C2orf42: variants seen among roughly 807,000 people sequenced by gnomAD.
The protein encoded by C2orf42 is uncharacterized protein C2orf42.
A neutral mutation model predicts 58.9 loss-of-function variants in C2orf42; 44 were observed. That is an observed-to-expected ratio of 0.75 (90% confidence interval 0.59 to 0.96). The LOEUF is 0.96. Ranked by LOEUF, C2orf42 falls within the 40% of genes least tolerant of loss-of-function variation. The pLI, the probability that C2orf42 is intolerant of heterozygous loss-of-function variation, is 0.00. For synonymous variants in C2orf42, 239 were observed against 265.4 expected, an observed-to-expected ratio of 0.90 and a Z score of 0.97; for missense variants, 630 against 699.2, an observed-to-expected ratio of 0.90 and a Z score of 1.12.
intron 3 of C2orf42, 123 bp from the exon 4 acceptor site, chr2:70,179,765 G>A (rs1674429882): frequency 2.3e-6 from 1 of 442,540 alleles, no homozygotes; most frequent in Admixed American, 3.5e-5. Context: ...CCCAGGCTGG[G>A]CAACATAGGC....
chr2:70,171,984 A>T (rs1466049649), intron 5 of C2orf42, among the ~76,000 whole-genome samples: 1 of 151,056 alleles, frequency 6.6e-6, no homozygotes, highest in African/African-American at 2.4e-5. Flanking sequence ...GCACTTTGGG[A>T]GGCCAAGGCG....
chr2:70,182,054 A>T (rs1674617338), intron 2 of C2orf42, 57 bp from the exon 3 acceptor site: 1 of 790,188 alleles, frequency 1.3e-6, no homozygotes, highest in Non-Finnish European at 2.0e-6. Context: ...AAAAAGTTAA[A>T]ATCACTTATG....
intron 9 of C2orf42, among the ~76,000 whole-genome samples, chr2:70,156,851 G>A (rs1172421003): frequency 7.0e-6 from 1 of 142,690 alleles, no homozygotes; most frequent in Non-Finnish European, 1.5e-5. Context: ...AACAGGGCAA[G>A]ACCCTATCTC....
At position 70,175,686 on chromosome 2, in the gene C2orf42, C is replaced by T. The variant is rs765921236; in HGVS notation, c.1026G>A (p.Ser342=). 1.9e-6 allele frequency: 3 copies of T among 1,607,470 alleles called. No homozygotes were observed. The highest frequency in any genetic ancestry group is 1.1e-5 in the South Asian group (1 of 90,938). Residue 342 remains serine (S), a synonymous_variant, in exon 5 of 10, where the codon TCG becomes TCA. Transcript: ENST00000264434. The part of the protein sequence containing the change: ...SGLKKPVVAS[S]LKRQACGQLL... ...AGGGAAACTTACCCTGCCTTTTTAA[C>T]GAGGAAGCAACCACAGGCTTTTTCA...
rs527684814 is a variant in C2orf42 at position 70,172,499 on chromosome 2, G to A, written c.1040-2838C>T. 9.9e-5 allele frequency among the ~76,000 whole-genome samples: 15 copies of A among 151,848 alleles called. 1 individual carries two copies. The East Asian group carries it at 2.7e-3, about 28-fold the overall frequency. On this transcript the variant is annotated intron_variant, in intron 5 of 9. Coordinates refer to ENST00000264434, the MANE Select transcript of C2orf42 (RefSeq NM_017880.3). ...TTGAGACCAGATTGGGCAACATGAC[G>A]AAACTCCGTCTCTACTAAAAATACA... is the stretch of plus-strand genomic sequence containing the variant.
intron 5 of C2orf42, among the ~76,000 whole-genome samples, chr2:70,172,489 G>A (rs1162456793): frequency 6.6e-6 from 1 of 151,846 alleles, no homozygotes; most frequent in East Asian, 2.0e-4. Flanking sequence ...ACCAGATTGG[G>A]CAACATGACG....
intron 8 of C2orf42, among the ~76,000 whole-genome samples, chr2:70,161,488 C>G (rs1673045625): frequency 6.6e-6 from 1 of 152,130 alleles, no homozygotes; most frequent in African/African-American, 2.4e-5. Flanking sequence ...AGGAGTTCCT[C>G]AAGTGTTTTT....
intron 4 of C2orf42, among the ~76,000 whole-genome samples, chr2:70,177,199 G>C (rs1278761494): frequency 6.6e-6 from 1 of 151,792 alleles, no homozygotes; most frequent in African/African-American, 2.4e-5. Flanking sequence ...TTGAACCCGA[G>C]AGATGGAGGC....
chr2:70,169,142 T>TG (rs1345162913), intron 6 of C2orf42, among the ~76,000 whole-genome samples: 1 of 151,916 alleles, frequency 6.6e-6, no homozygotes, highest in Non-Finnish European at 1.5e-5. Context: ...TTTGTAGAGA[T>TG]GGGGTTCACT....
rs1176142210 is a variant in C2orf42, at chr2:70,160,726, T to G, written c.1415A>C (p.Lys472Thr). The G allele has an allele frequency of 1.2e-6, 2 of 1,612,404 alleles. No individual in the cohort carries two copies. Among genetic ancestry groups the G allele is most frequent in the East Asian group, 2.2e-5 (1 of 44,766 alleles). The change falls in exon 9 of 10, where the codon AAA becomes ACA. Residue 472 changes from lysine (K) to threonine (T), a missense_variant. Transcript: ENST00000264434. ...QNRDGTYELF[K>T]CPKVEVESIA... ...GCTTTCTACTTCCACTTTAGGGCATTTAAATAGCTCATAAGTCCCATCTCG... is the reference window on the plus strand; with the variant it reads ...GCTTTCTACTTCCACTTTAGGGCATGTAAATAGCTCATAAGTCCCATCTCG...
rs1365797747 is a variant in C2orf42 at position 70,165,092 on chromosome 2, C to T, written c.1353G>A (p.Glu451=). 6.5e-6 allele frequency: 10 copies of T among 1,543,500 alleles called. No homozygotes were observed. The highest frequency in any genetic ancestry group is 8.0e-6 in the Non-Finnish European group (9 of 1,119,282). ...LQVKQILDTP[E]MPLEITRSFI... The stretch of plus-strand genomic sequence containing the variant: ...CACTGTTATAGAAATAAACTCTCAC[C>T]TCTGGGGTATCTAAGATTTGTTTAA... Residue 451 remains glutamate (E), a splice_region_variant and synonymous_variant, in exon 8 of 10, where the codon GAG becomes GAA. Transcript: ENST00000264434.
intron 5 of C2orf42, among the ~76,000 whole-genome samples, chr2:70,173,524 G>A (rs1673975460): frequency 6.6e-6 from 1 of 152,006 alleles, no homozygotes; most frequent in East Asian, 1.9e-4. Context: ...TGATCCATCC[G>A]CCTGCCTCAG....
At chr2:70,189,836 G>C (rs1036749822) in intron 1 of C2orf42, among the ~76,000 whole-genome samples, 26 of 151,966 alleles carry the variant, frequency 1.7e-4, no homozygotes, top group African/African-American at 6.3e-4. Flanking sequence ...GACCAGCCTG[G>C]GCAACATAGT....
intron 6 of C2orf42, among the ~76,000 whole-genome samples, chr2:70,169,250 CACACACA>C: frequency 1.4e-5 from 1 of 70,880 alleles, no homozygotes; most frequent in Admixed American, 1.1e-4. Flanking sequence ...TCCCTCACCA[CACACACA>C]CACACACACA....
At chr2:70,151,655 A>G in intron 9 of C2orf42, among the ~76,000 whole-genome samples, 1 of 152,118 alleles carries the variant, frequency 6.6e-6, no homozygotes, top group East Asian at 1.9e-4. Context: ...CCAAAAAATA[A>G]AAAAACAAGA....
Position 70,160,638 on chromosome 2 carries a change from A to G in C2orf42, c.1503T>C (p.Thr501=), listed in dbSNP as rs1005487028. 1.3e-6 allele frequency: 2 copies of G among 1,599,232 alleles called. No individual in the cohort carries two copies. The highest frequency in any genetic ancestry group is 2.7e-5 in the African/African-American group (2 of 73,966). Residue 501 remains threonine, a synonymous_variant, in exon 9 of 10, where the codon ACT becomes ACC. Coordinates refer to ENST00000264434, the MANE Select transcript of C2orf42 (RefSeq NM_017880.3). ...AAGTTCACTTACCAACTTTGAGAAA[A>G]GTTTTTAGTTCCAAGGGTCGCAGCA... ...QPVLRPLELK[T]FLKVGNTSPD...
intron 6 of C2orf42, among the ~76,000 whole-genome samples, chr2:70,168,764 G>A (rs572891622): frequency 6.6e-6 from 1 of 150,590 alleles, no homozygotes; most frequent in South Asian, 2.1e-4. Flanking sequence ...CCAGGCTGGA[G>A]TGCAATGGTG....
chr2:70,175,429 A>G (rs945077981), intron 5 of C2orf42, among the ~76,000 whole-genome samples: 1 of 152,182 alleles, frequency 6.6e-6, no homozygotes, highest in Non-Finnish European at 1.5e-5. Context: ...CCCACTTATA[A>G]GTAAGAACAT....
At chr2:70,183,395 C>G (rs72841129) in intron 1 of C2orf42, among the ~76,000 whole-genome samples, 9,661 of 152,022 alleles carry the variant, frequency 0.064, 356 homozygotes, top group East Asian at 0.17. Context: ...TGCCATTATA[C>G]CCCAGCCTTG....
Sources: allele counts gnomAD v4.1 joint callset (sites outside exome capture counted in the v4.1 genomes callset), GRCh38; gene constraint gnomAD v4.1.1; transcripts MANE v1.5; gene names NCBI Gene and HGNC (gene_info 2026-07-23, HGNC 2026-07-21).